MYO1B: variants seen among roughly 807,000 people sequenced by gnomAD.
The protein encoded by MYO1B is myosin IB, also known as unconventional myosin-Ib.
A neutral mutation model predicts 159.7 loss-of-function variants in MYO1B; 72 were observed. The observed-to-expected ratio is 0.45, with a 90% CI of 0.37 to 0.55. MYO1B has a LOEUF of 0.55. MYO1B is among the 20% of genes least tolerant of loss of function. The probability of loss-of-function intolerance (pLI) is 0.00; values close to 1 mark genes in which losing one functional copy is unlikely to be tolerated. For synonymous variants in MYO1B, 468 were observed against 473.8 expected (o/e 0.99, Z 0.16); for missense variants, 1,062 against 1,364.8 (o/e 0.78, Z 3.50).
At chr2:191,348,002 A>G (rs1275354219) in intron 6 of MYO1B, among the ~76,000 whole-genome samples, 1 of 152,170 alleles carries the variant, frequency 6.6e-6, no homozygotes, top group Non-Finnish European at 1.5e-5. Context: ...CAGTATTCCC[A>G]TGGAGATGCC....
At chr2:191,341,221 G>GT (rs5837232) in intron 4 of MYO1B, among the ~76,000 whole-genome samples, 12,429 of 152,094 alleles carry the variant, frequency 0.082, 681 homozygotes, top group Non-Finnish European at 0.11. Flanking sequence ...TTACTAAGCA[G>GT]TTTTTTTAAC....
chr2:191,373,786 G>C (rs1489066323), intron 13 of MYO1B, among the ~76,000 whole-genome samples: 1 of 152,082 alleles, frequency 6.6e-6, no homozygotes, highest in African/African-American at 2.4e-5. Context: ...TCTTATAATG[G>C]CCATCAAATT....
chr2:191,392,669 G>A (rs886197912), intron 19 of MYO1B, among the ~76,000 whole-genome samples: 2 of 152,190 alleles, frequency 1.3e-5, no homozygotes, highest in Admixed American at 1.3e-4. Flanking sequence ...GAATAGATGA[G>A]TGTGAAGTGT....
chr2:191,299,482 T>C (rs1031137873), intron 3 of MYO1B, among the ~76,000 whole-genome samples: 2 of 152,210 alleles, frequency 1.3e-5, no homozygotes, highest in African/African-American at 2.4e-5. Context: ...GCCTTCTGCC[T>C]GGAATGCTTT....
chr2:191,326,787 TG>T (rs1215421569), intron 3 of MYO1B, among the ~76,000 whole-genome samples: 9 of 140,318 alleles, frequency 6.4e-5, no homozygotes, highest in Non-Finnish European at 1.2e-4. Flanking sequence ...TGTGTGTGTG[TG>T]TGTGTGTGTG....
intron 26 of MYO1B, among the ~76,000 whole-genome samples, chr2:191,409,459 C>G (rs1697132343): frequency 6.6e-6 from 1 of 152,060 alleles, no homozygotes; most frequent in Non-Finnish European, 1.5e-5. Flanking sequence ...TCAAGTAGTT[C>G]AGTTTTTTGT....
At chr2:191,386,174 T>A in intron 16 of MYO1B, 90 bp downstream of exon 16, 1 of 1,222,332 alleles carries the variant, frequency 8.2e-7, no homozygotes. Flanking sequence ...GAAACCCCAT[T>A]AACTTGTGAG....
intron 6 of MYO1B, among the ~76,000 whole-genome samples, chr2:191,346,992 A>G (rs6706578): frequency 0.43 from 65,694 of 152,008 alleles, 14,899 homozygotes; most frequent in African/African-American, 0.58. Context: ...TGCAGGAAAT[A>G]TTGAGTCTGA....
intron 11 of MYO1B, among the ~76,000 whole-genome samples, chr2:191,366,850 C>T (rs906443101): frequency 2.0e-5 from 3 of 151,776 alleles, no homozygotes; most frequent in Non-Finnish European, 4.4e-5. Context: ...TGAGACACCC[C>T]GCACCCCCAT....
intron 14 of MYO1B, among the ~76,000 whole-genome samples, chr2:191,381,833 CATT>C (rs1342201685): frequency 6.6e-6 from 1 of 152,144 alleles, no homozygotes; most frequent in African/African-American, 2.4e-5. Flanking sequence ...GGTTGCTTGA[CATT>C]ATACATTTGC....
At chr2:191,365,205 A>G (rs1038160758) in intron 11 of MYO1B, among the ~76,000 whole-genome samples, 1 of 152,188 alleles carries the variant, frequency 6.6e-6, no homozygotes, top group African/African-American at 2.4e-5. Flanking sequence ...CCACCAGTCA[A>G]TGACTCAGGC....
intron 5 of MYO1B, among the ~76,000 whole-genome samples, chr2:191,344,722 T>C (rs1428226296): frequency 2.1e-5 from 3 of 143,744 alleles, no homozygotes; most frequent in African/African-American, 7.9e-5. Context: ...CCCAGCTACT[T>C]GGGAGGCTGA....
intron 16 of MYO1B, among the ~76,000 whole-genome samples, chr2:191,386,448 C>G (rs920015479): frequency 4.0e-4 from 61 of 151,902 alleles, no homozygotes; most frequent in African/African-American, 1.5e-3. Flanking sequence ...AAAACACAAG[C>G]CATTTAGCAA....
At chr2:191,321,420 T>A (rs1009918286) in intron 3 of MYO1B, among the ~76,000 whole-genome samples, 1 of 152,202 alleles carries the variant, frequency 6.6e-6, no homozygotes, top group African/African-American at 2.4e-5. Flanking sequence ...GGAATTTGTT[T>A]AAAGTGAGCC....
intron 5 of MYO1B, among the ~76,000 whole-genome samples, chr2:191,342,449 T>C (rs10181324): frequency 0.091 from 13,780 of 152,184 alleles, 2,047 homozygotes; most frequent in African/African-American, 0.31. Flanking sequence ...AAACCAGAAA[T>C]GAGTTTCCTT....
rs376875273 is a variant in MYO1B, at chr2:191,287,371, TAC to T, written c.136-8738_136-8737del. On this transcript the variant is annotated intron_variant, in intron 2 of 30. Coordinates refer to ENST00000392318, the MANE Select transcript of MYO1B (RefSeq NM_001130158.3). Reference sequence around the variant, plus strand: ...GGTGAATCCACCTCTCTACTAAAAATACAAAAAAATTAGCTTGGCGTGGTGGC... The same window carrying T: ...GGTGAATCCACCTCTCTACTAAAAATAAAAAAATTAGCTTGGCGTGGTGGC... Among the ~76,000 whole-genome samples the T allele has an allele frequency of 7.8e-3, 1,179 of 151,970 alleles. 8 individuals carry two copies. Among genetic ancestry groups the T allele is most frequent in the African/African-American group, 0.018 (731 of 41,464 alleles).
intron 3 of MYO1B, among the ~76,000 whole-genome samples, chr2:191,318,681 A>G (rs891705642): frequency 1.2e-4 from 18 of 152,158 alleles, no homozygotes; most frequent in African/African-American, 4.1e-4. Context: ...CAAAAAATAT[A>G]TATGTAATCT....
At chr2:191,316,349 A>T (rs931915175) in intron 3 of MYO1B, among the ~76,000 whole-genome samples, 2 of 152,224 alleles carry the variant, frequency 1.3e-5, no homozygotes, top group Non-Finnish European at 1.5e-5. Flanking sequence ...AGGGGCCATA[A>T]GTCATATGAT....
chr2:191,381,593 G>A, intron 14 of MYO1B, 27 bp downstream of exon 14: 2 of 1,511,082 alleles, frequency 1.3e-6, no homozygotes, highest in Non-Finnish European at 1.8e-6. Context: ...ATTTTTAAAA[G>A]TGTTGGTCCT....
Sources: allele counts gnomAD v4.1 joint callset (sites outside exome capture counted in the v4.1 genomes callset), GRCh38; gene constraint gnomAD v4.1.1; transcripts MANE v1.5; gene names NCBI Gene and HGNC (gene_info 2026-07-23, HGNC 2026-07-21).